Variants in ETV6 observed in about 807,000 individuals in gnomAD.
The protein encoded by ETV6 is transcription factor ETV6.
ETV6 carries 16 observed loss-of-function variants against 51.1 expected under a neutral mutation model. The observed-to-expected ratio is 0.31, with a 90% CI of 0.21 to 0.48. The LOEUF is 0.48. Ranked by LOEUF, ETV6 falls within the 20% of genes least tolerant of loss-of-function variation. The pLI is 0.99. For missense variants in ETV6, 458 were observed against 594.8 expected (o/e 0.77, Z 2.39); for synonymous variants, 240 against 224.1 (o/e 1.07, Z -0.64).
At chr12:11,798,137 T>C (rs898033738) in intron 2 of ETV6, among the ~76,000 whole-genome samples, 4 of 152,220 alleles carry the variant, frequency 2.6e-5, no homozygotes, top group Non-Finnish European at 5.9e-5. Context: ...TCAAGGAACT[T>C]GTAATTCGTT....
At chr12:11,812,932 G>A (rs1488254020) in intron 2 of ETV6, among the ~76,000 whole-genome samples, 1 of 152,204 alleles carries the variant, frequency 6.6e-6, no homozygotes, top group Non-Finnish European at 1.5e-5. Flanking sequence ...TGCCACCCAA[G>A]AGGCAGTGAG....
At chr12:11,744,652 C>T (rs1214158854) in intron 1 of ETV6, among the ~76,000 whole-genome samples, 1 of 152,200 alleles carries the variant, frequency 6.6e-6, no homozygotes, top group Non-Finnish European at 1.5e-5. Context: ...CTAATCTCTG[C>T]TTTGAGCAAA....
chr12:11,818,549 A>AT (rs1233686819), intron 2 of ETV6, among the ~76,000 whole-genome samples: 1 of 151,328 alleles, frequency 6.6e-6, no homozygotes, highest in Non-Finnish European at 1.5e-5. Flanking sequence ...AAAAAAAAAA[A>AT]GCAATGGGAA....
At chr12:11,885,410 C>T (rs1020818180) in intron 6 of ETV6, among the ~76,000 whole-genome samples, 1 of 152,218 alleles carries the variant, frequency 6.6e-6, no homozygotes, top group Non-Finnish European at 1.5e-5. Context: ...CCCACTGTAC[C>T]ATTGCCTCGG....
At chr12:11,667,853 T>C (rs2541124) in intron 1 of ETV6, among the ~76,000 whole-genome samples, 146,711 of 151,934 alleles carry the variant, frequency 0.97, 70,939 homozygotes, top group Non-Finnish European at 0.99. Context: ...AGGTGCACGC[T>C]GCCACGCCCA....
intron 1 of ETV6, among the ~76,000 whole-genome samples, chr12:11,727,737 G>A (rs1865517101): frequency 2.0e-5 from 3 of 152,362 alleles, no homozygotes; most frequent in South Asian, 2.1e-4. Context: ...CTGGTGGCCC[G>A]CAGGTGTGAG....
intron 2 of ETV6, among the ~76,000 whole-genome samples, chr12:11,765,014 T>C (rs1945143775): frequency 6.6e-6 from 1 of 152,162 alleles, no homozygotes; most frequent in Non-Finnish European, 1.5e-5. Context: ...TTGCCTAATC[T>C]CTTCACTTTA....
intron 1 of ETV6, among the ~76,000 whole-genome samples, chr12:11,652,336 G>T (rs1472466727): frequency 1.3e-5 from 2 of 152,204 alleles, no homozygotes; most frequent in African/African-American, 2.4e-5. Context: ...CAAGGACTGG[G>T]ATTATTCCAG....
chr12:11,804,539 C>T (rs1053107103), intron 2 of ETV6, among the ~76,000 whole-genome samples: 12 of 152,196 alleles, frequency 7.9e-5, no homozygotes, highest in Admixed American at 6.5e-5. Flanking sequence ...TGCCCTTCTG[C>T]CTATGAAGCT....
chr12:11,825,818 C>T (rs1050499485), intron 2 of ETV6: 5 of 145,946 alleles, frequency 3.4e-5, no homozygotes, highest in Non-Finnish European at 6.0e-5. Flanking sequence ...TTGCCAACAA[C>T]AGTAGAAAGC....
At chr12:11,792,128 T>C (rs1421255790) in intron 2 of ETV6, among the ~76,000 whole-genome samples, 1 of 152,216 alleles carries the variant, frequency 6.6e-6, no homozygotes, top group Non-Finnish European at 1.5e-5. Context: ...ATAGAACACC[T>C]GGAAACCAAG....
intron 1 of ETV6, among the ~76,000 whole-genome samples, chr12:11,667,099 G>C (rs1864208784): frequency 6.6e-6 from 1 of 152,198 alleles, no homozygotes; most frequent in Non-Finnish European, 1.5e-5. Context: ...CACGGAAGTT[G>C]TGCTCCCTCT....
At chr12:11,681,550 T>G (rs1205165808) in intron 1 of ETV6, among the ~76,000 whole-genome samples, 1 of 152,168 alleles carries the variant, frequency 6.6e-6, no homozygotes, top group Non-Finnish European at 1.5e-5. Context: ...TTTTTTAAAT[T>G]CTCACGTTTT....
intron 4 of ETV6, among the ~76,000 whole-genome samples, chr12:11,854,132 G>A (rs577068181): frequency 7.2e-5 from 11 of 152,292 alleles, no homozygotes; most frequent in African/African-American, 2.6e-4. Context: ...ATGGGAGACA[G>A]TGACAGATCA....
chr12:11,845,313 G>T (rs578104540), intron 3 of ETV6, among the ~76,000 whole-genome samples: 6 of 152,208 alleles, frequency 3.9e-5, no homozygotes, highest in Non-Finnish European at 7.3e-5. Flanking sequence ...CTAAACATTG[G>T]TTATACAAGT....
intron 2 of ETV6, among the ~76,000 whole-genome samples, chr12:11,760,421 G>A (rs541138512): frequency 6.6e-6 from 1 of 152,234 alleles, no homozygotes; most frequent in African/African-American, 2.4e-5. Context: ...GACTGCACAG[G>A]GCTACGCAGT....
chr12:11,876,327 C>T (rs1484004127), intron 5 of ETV6, among the ~76,000 whole-genome samples: 2 of 152,198 alleles, frequency 1.3e-5, no homozygotes, highest in Non-Finnish European at 2.9e-5. Context: ...ATGTGCCAGG[C>T]ATTGTTCTAG....
intron 1 of ETV6, among the ~76,000 whole-genome samples, chr12:11,732,190 G>A (rs1865612187): frequency 6.6e-6 from 1 of 152,204 alleles, no homozygotes; most frequent in Admixed American, 6.5e-5. Flanking sequence ...CAGAACTAGT[G>A]CAGTTCGAGG....
intron 3 of ETV6, among the ~76,000 whole-genome samples, chr12:11,848,849 C>T (rs760182863): frequency 6.6e-6 from 1 of 152,182 alleles, no homozygotes; most frequent in Non-Finnish European, 1.5e-5. Context: ...AACCATGGTT[C>T]TTTGACCAGT....
Sources: allele counts gnomAD v4.1 joint callset (sites outside exome capture counted in the v4.1 genomes callset), GRCh38; gene constraint gnomAD v4.1.1; transcripts MANE v1.5; gene names NCBI Gene and HGNC (gene_info 2026-07-23, HGNC 2026-07-21).